BMPR2: variants seen among roughly 807,000 people sequenced by gnomAD.
BMPR2 encodes bone morphogenetic protein receptor type 2.
Under a neutral mutation model 100.8 loss-of-function variants are expected in BMPR2, and 29 were observed. The observed-to-expected ratio is 0.29, with a 90% confidence interval of 0.21 to 0.39. BMPR2 has a LOEUF of 0.39. Ranked by LOEUF, BMPR2 falls within the 10% of genes least tolerant of loss-of-function variation. The pLI, the probability that BMPR2 is intolerant of heterozygous loss-of-function variation, is 1.00. For missense variants in BMPR2, 1,011 were observed against 1,274.5 expected (o/e 0.79, Z 3.15); for synonymous variants, 382 against 442.3 (o/e 0.86, Z 1.71).
At chr2:202,549,782 C>G (rs2106038869) in intron 10 of BMPR2, among the ~76,000 whole-genome samples, 1 of 151,850 alleles carries the variant, frequency 6.6e-6, no homozygotes, top group Admixed American at 6.6e-5. Flanking sequence ...AAAAAAGAAA[C>G]TGCCAGTTTT....
intron 10 of BMPR2, among the ~76,000 whole-genome samples, chr2:202,545,289 A>G (rs1055712617): frequency 5.2e-4 from 15 of 28,900 alleles, no homozygotes; most frequent in Admixed American, 4.4e-4. Context: ...TGACCCATTT[A>G]GTTTTCACTA....
intron 1 of BMPR2, among the ~76,000 whole-genome samples, chr2:202,426,158 A>T (rs1332127140): frequency 6.6e-6 from 1 of 152,230 alleles, no homozygotes; most frequent in Non-Finnish European, 1.5e-5. Context: ...CAGAAGTAAC[A>T]CTTTACTTAG....
intron 7 of BMPR2, among the ~76,000 whole-genome samples, 166 bp from the exon 8 acceptor site, chr2:202,530,628 T>C (rs1688004093): frequency 6.6e-6 from 1 of 152,216 alleles, no homozygotes; most frequent in South Asian, 2.1e-4. Context: ...TTATAAAATA[T>C]ATTAGAAAAT....
At chr2:202,455,787 CA>C (rs1692085379) in intron 1 of BMPR2, among the ~76,000 whole-genome samples, 1 of 151,216 alleles carries the variant, frequency 6.6e-6, no homozygotes, top group Non-Finnish European at 1.5e-5. Flanking sequence ...GTAGTATTGC[CA>C]GGGGCGGTGG....
intron 1 of BMPR2, among the ~76,000 whole-genome samples, chr2:202,392,719 G>A (rs368667371): frequency 5.9e-5 from 9 of 151,652 alleles, no homozygotes; most frequent in Non-Finnish European, 1.2e-4. Flanking sequence ...CTGGCCGGGC[G>A]CGGTGGCTCA....
chr2:202,542,213 A>T (rs1440983760), intron 9 of BMPR2, 98 bp from the exon 10 acceptor site: 2 of 1,415,876 alleles, frequency 1.4e-6, no homozygotes, highest in Admixed American at 1.8e-5. Flanking sequence ...TTGTGACACA[A>T]TTTTTTTTGC....
chr2:202,532,794 A>G lies in BMPR2; in HGVS notation c.1276+62A>G. On this transcript the variant is annotated intron_variant, in intron 9 of 12. Coordinates refer to ENST00000374580, the MANE Select transcript of BMPR2 (RefSeq NM_001204.7). This position sits in a 1 kb window ranked among gnomAD's most constrained non-coding sequence, Gnocchi z 4.1. ...TGAAGCAGTTATATCTTCTTTCTCT[A>G]CCTATAGTACCTAACTCAACTTTTA... is the stretch of plus-strand genomic sequence containing the variant. The G allele has an allele frequency of 3.3e-6, 5 of 1,536,886 alleles. No homozygotes were observed. The South Asian group carries it at 5.7e-5, about 17-fold the overall frequency.
At chr2:202,520,036 A>C (rs1192886195) in intron 6 of BMPR2, 51 bp from the exon 7 acceptor site, 1 of 1,188,096 alleles carries the variant, frequency 8.4e-7, no homozygotes, top group Admixed American at 1.8e-5. Flanking sequence ...CTTCATGTTA[A>C]AGTGAGTTAA....
At chr2:202,524,649 GAGA>G (rs1687875578) in intron 7 of BMPR2, among the ~76,000 whole-genome samples, 1 of 150,988 alleles carries the variant, frequency 6.6e-6, no homozygotes, top group Non-Finnish European at 1.5e-5. Context: ...AGGGTAAGGT[GAGA>G]AGATTGTTTG....
At chr2:202,452,862 G>T (rs1447289730) in intron 1 of BMPR2, among the ~76,000 whole-genome samples, 2 of 152,188 alleles carry the variant, frequency 1.3e-5, no homozygotes, top group South Asian at 2.1e-4. Context: ...GAATGTTATG[G>T]AAGTATGTGA....
chr2:202,377,263 C>A lies in BMPR2; in HGVS notation c.-212C>A. On this transcript the variant is annotated 5_prime_UTR_variant, in exon 1 of 13. Transcript: ENST00000374580. ...CCCGTCCGAGGCGAAGGAACCCCCCCAGCCGCGAGGGAGAGAAATGAAGGG... is the reference window on the plus strand; with the variant it reads ...CCCGTCCGAGGCGAAGGAACCCCCCAAGCCGCGAGGGAGAGAAATGAAGGG... 1.6e-6 allele frequency: 1 copy of A among 635,116 alleles called. No individual in the cohort carries two copies. The highest frequency in any genetic ancestry group is 2.9e-6 in the Non-Finnish European group (1 of 349,018). 39.3% of individuals were successfully genotyped at this position (635,116 alleles called of 1,614,324 possible). A position where few individuals can be genotyped will look rare whatever the true frequency, so the allele number is the denominator to read the frequency against.
At chr2:202,388,442 G>A (rs1013070835) in intron 1 of BMPR2, among the ~76,000 whole-genome samples, 18 of 145,370 alleles carry the variant, frequency 1.2e-4, no homozygotes, top group African/African-American at 4.6e-4. Context: ...CATATACTTA[G>A]GTTTGTAAGA....
chr2:202,543,227 T>C (rs2106031873), intron 10 of BMPR2, among the ~76,000 whole-genome samples: 1 of 147,008 alleles, frequency 6.8e-6, no homozygotes, highest in South Asian at 2.1e-4. Context: ...TATATTTATA[T>C]ATATATTTAT....
At chr2:202,475,195 C>T (rs1305551932) in intron 3 of BMPR2, 1 of 151,924 alleles carries the variant, frequency 6.6e-6, no homozygotes, top group Non-Finnish European at 1.5e-5. Flanking sequence ...TTCTGTTGCC[C>T]AGGTGGGAGT....
At chr2:202,540,814 T>G (rs1055349481) in intron 9 of BMPR2, among the ~76,000 whole-genome samples, 4 of 152,162 alleles carry the variant, frequency 2.6e-5, no homozygotes, top group African/African-American at 9.7e-5. Context: ...AAGTGAAGAT[T>G]AGAACCTAAA....
rs1364064461 is a variant in BMPR2 at position 202,376,743 on chromosome 2, G to T, written c.-732G>T. ...CCCACTCCGCCTGCCGTCTCGGGGA[G>T]CCCGGACCGGGGCCGCGACCGCGAC... On this transcript the variant is annotated 5_prime_UTR_variant, in exon 1 of 13. Transcript: ENST00000374580. 6.6e-6 allele frequency among the ~76,000 whole-genome samples: 1 copy of T among 150,548 alleles called. No homozygotes were observed. Among genetic ancestry groups the T allele is most frequent in the Non-Finnish European group, 1.5e-5 (1 of 67,666 alleles).
At chr2:202,447,194 G>C (rs1205032366) in intron 1 of BMPR2, among the ~76,000 whole-genome samples, 1 of 149,970 alleles carries the variant, frequency 6.7e-6, no homozygotes, top group East Asian at 2.0e-4. Context: ...TGTAATCCCA[G>C]CTACTTGGGA....
chr2:202,467,488 T>C, intron 2 of BMPR2, 31 bp from the exon 3 acceptor site: 1 of 1,519,322 alleles, frequency 6.6e-7, no homozygotes, highest in Non-Finnish European at 9.1e-7. Flanking sequence ...TATCATATTG[T>C]CTCCTTTTTT....
At position 202,485,545 on chromosome 2, in the gene BMPR2, C is replaced by T. The variant is rs75074529; in HGVS notation, c.418+17856C>T. On this transcript the variant is annotated intron_variant, in intron 3 of 12. Coordinates refer to ENST00000374580, the MANE Select transcript of BMPR2 (RefSeq NM_001204.7). Reference sequence around the variant, plus strand: ...GTCTCAAATCTCCCTTTGCCTTTATCTTTTTTTTTTTTTTTTTTTGAGACA... The same window carrying T: ...GTCTCAAATCTCCCTTTGCCTTTATTTTTTTTTTTTTTTTTTTTTGAGACA... 2.5e-3 allele frequency among the ~76,000 whole-genome samples: 159 copies of T among 64,010 alleles called. 1 individual carries two copies. Among genetic ancestry groups the T allele is most frequent in the Middle Eastern group, 0.019 (1 of 54 alleles). 42.0% of individuals were successfully genotyped at this position (64,010 alleles called of 152,430 possible).
Sources: gnomAD v4.1 joint callset for allele counts (sites outside exome capture counted in the v4.1 genomes callset) on GRCh38, gnomAD v4.1.1 for gene constraint, Gnocchi (gnomAD v3.1) non-coding constraint, MANE v1.5 for transcripts, NCBI Gene and HGNC (gene_info 2026-07-23, HGNC 2026-07-21) for gene names.